DPP10: variants seen among roughly 807,000 people sequenced by gnomAD.
DPP10 encodes the protein dipeptidyl peptidase like 10.
In DPP10, 33 loss-of-function variants were observed where a neutral mutation model predicts 120.9. The observed-to-expected ratio is 0.27, with a 90% CI of 0.21 to 0.37. DPP10 has a LOEUF of 0.37. DPP10 is among the 10% of genes least tolerant of loss of function. The pLI, the probability that DPP10 is intolerant of heterozygous loss-of-function variation, is 1.00. For synonymous variants in DPP10, 337 were observed against 326.1 expected, an observed-to-expected ratio of 1.03 and a Z score of -0.36; for missense variants, 816 against 942.8, an observed-to-expected ratio of 0.87 and a Z score of 1.76.
chr2:114,933,614 G>A (rs1696243172), intron 1 of DPP10, among the ~76,000 whole-genome samples: 1 of 152,180 alleles, frequency 6.6e-6, no homozygotes, highest in Non-Finnish European at 1.5e-5. Context: ...TGCAAGAGTA[G>A]AAGAAAGAGA....
At chr2:115,667,763 T>C (rs1269195282) in intron 5 of DPP10, among the ~76,000 whole-genome samples, 1 of 152,092 alleles carries the variant, frequency 6.6e-6, no homozygotes, top group Non-Finnish European at 1.5e-5. Flanking sequence ...TAAAGTTGGG[T>C]AATATGATGC....
chr2:115,607,617 G>GT (rs1282018813), intron 5 of DPP10, among the ~76,000 whole-genome samples: 2 of 152,146 alleles, frequency 1.3e-5, no homozygotes, highest in African/African-American at 4.8e-5. Flanking sequence ...TTATAACTCA[G>GT]TATCATTAAT....
chr2:115,264,535 T>C (rs2105772425), intron 1 of DPP10, among the ~76,000 whole-genome samples: 1 of 152,260 alleles, frequency 6.6e-6, no homozygotes, highest in East Asian at 1.9e-4. Flanking sequence ...TCAAAGTCAG[T>C]GAAGAGGAGC....
intron 1 of DPP10, among the ~76,000 whole-genome samples, chr2:114,851,131 C>T (rs999783542): frequency 6.6e-6 from 1 of 152,062 alleles, no homozygotes; most frequent in Non-Finnish European, 1.5e-5. Context: ...AGTGAAAGAT[C>T]AAAAGCTAAT....
chr2:115,541,807 A>G (rs559439895), intron 5 of DPP10, among the ~76,000 whole-genome samples: 1 of 152,038 alleles, frequency 6.6e-6, no homozygotes, highest in East Asian at 1.9e-4. Context: ...CTTGCATAAT[A>G]GTGGGGAGAG....
intron 17 of DPP10, among the ~76,000 whole-genome samples, chr2:115,786,205 G>C (rs1296653748): frequency 6.6e-6 from 1 of 152,120 alleles, no homozygotes; most frequent in Non-Finnish European, 1.5e-5. Context: ...CAGGACAAGA[G>C]GAAGTCAATG....
At chr2:115,266,806 T>C (rs2105785963) in intron 1 of DPP10, among the ~76,000 whole-genome samples, 1 of 152,324 alleles carries the variant, frequency 6.6e-6, no homozygotes, top group Admixed American at 6.5e-5. Context: ...ATATTTATAA[T>C]TGCTGTATAG....
rs181567631 is a variant in DPP10 at position 114,923,635 on chromosome 2, C to A, written c.61-385604C>A. Among the ~76,000 whole-genome samples the A allele has an allele frequency of 9.9e-3, 1,498 of 151,764 alleles. 26 individuals carry two copies. Among genetic ancestry groups the A allele is most frequent in the African/African-American group, 0.035 (1,433 of 41,386 alleles). On this transcript the variant is annotated intron_variant, in intron 1 of 25. Coordinates refer to ENST00000410059, the MANE Select transcript of DPP10 (RefSeq NM_020868.6). ...CTAGGACTACAGGCGCCCGCCACCA[C>A]GCCTGGCTAATTTTTTGTATTTTTA...
rs78700078 is a variant in DPP10, at chr2:115,275,299, A to C, written c.61-33940A>C. The stretch of plus-strand genomic sequence containing the variant: ...AATAATAGTCTCTCTCTATCTCTTT[A>C]TCTCTCTCTAGCTAGCCATCCATCT... On this transcript the variant is annotated intron_variant, in intron 1 of 25. Coordinates refer to ENST00000410059, the MANE Select transcript of DPP10 (RefSeq NM_020868.6). Among the ~76,000 whole-genome samples, 608 of 152,266 alleles carry C rather than the reference A, an allele frequency of 4.0e-3. 4 individuals carry two copies. Among genetic ancestry groups the C allele is most frequent in the African/African-American group, 0.014 (594 of 41,550 alleles).
At chr2:115,630,317 G>A (rs2085740434) in intron 5 of DPP10, among the ~76,000 whole-genome samples, 1 of 152,030 alleles carries the variant, frequency 6.6e-6, no homozygotes, top group Non-Finnish European at 1.5e-5. Context: ...TGAGACAGTT[G>A]GGGTTTTCTA....
At position 115,026,160 on chromosome 2, in the gene DPP10, G is replaced by A. The variant is rs140293118; in HGVS notation, c.61-283079G>A. ...TAGTAGTTTCATAGTTTCAGGTTTAGATTTAAAACTTAGATATGATTTTTA... is the reference window on the plus strand; with the variant it reads ...TAGTAGTTTCATAGTTTCAGGTTTAAATTTAAAACTTAGATATGATTTTTA... On this transcript the variant is annotated intron_variant, in intron 1 of 25. Coordinates refer to ENST00000410059, the MANE Select transcript of DPP10 (RefSeq NM_020868.6). Among the ~76,000 whole-genome samples the A allele has an allele frequency of 3.0e-3, 462 of 152,224 alleles. 2 individuals carry two copies. Among genetic ancestry groups the A allele is most frequent in the African/African-American group, 0.01 (436 of 41,542 alleles).
At chr2:114,610,405 AG>A (rs1285506965) in intron 1 of DPP10, among the ~76,000 whole-genome samples, 2 of 152,168 alleles carry the variant, frequency 1.3e-5, no homozygotes, top group Non-Finnish European at 2.9e-5. Flanking sequence ...TCTGATGGGA[AG>A]CCAGGGTTGA....
intron 1 of DPP10, among the ~76,000 whole-genome samples, chr2:114,579,940 A>C (rs1305794262): frequency 3.3e-5 from 5 of 152,184 alleles, no homozygotes; most frequent in African/African-American, 1.2e-4. Context: ...TGCATTCTAA[A>C]ATGTGAATTT....
chr2:115,502,017 A>T (rs1200697913), intron 4 of DPP10, among the ~76,000 whole-genome samples: 1 of 152,106 alleles, frequency 6.6e-6, no homozygotes, highest in Non-Finnish European at 1.5e-5. Context: ...AAATAAATAT[A>T]CTATTGATGA....
intron 5 of DPP10, among the ~76,000 whole-genome samples, chr2:115,532,405 T>G (rs2148923367): frequency 6.6e-6 from 1 of 152,220 alleles, no homozygotes; most frequent in African/African-American, 2.4e-5. Flanking sequence ...AGAAAGTTCT[T>G]ATTTATCTTT....
At chr2:114,562,623 T>G (rs13032511) in intron 1 of DPP10, among the ~76,000 whole-genome samples, 1 of 152,182 alleles carries the variant, frequency 6.6e-6, no homozygotes, top group African/African-American at 2.4e-5. Context: ...TCCATAAAAG[T>G]GACAAATGGT....
intron 1 of DPP10, among the ~76,000 whole-genome samples, chr2:114,984,434 A>G (rs908454823): frequency 2.6e-5 from 4 of 151,782 alleles, no homozygotes; most frequent in African/African-American, 9.7e-5. Context: ...AAAAGAATAA[A>G]AAAGGAAAAA....
intron 3 of DPP10, among the ~76,000 whole-genome samples, chr2:115,346,508 A>G (rs1430336454): frequency 6.6e-6 from 1 of 152,132 alleles, no homozygotes; most frequent in Non-Finnish European, 1.5e-5. Flanking sequence ...GTCTGAGAAT[A>G]TCATTGCAGT....
chr2:115,348,563 C>T (rs975019431), intron 3 of DPP10, among the ~76,000 whole-genome samples: 8 of 151,892 alleles, frequency 5.3e-5, no homozygotes, highest in South Asian at 2.1e-4. Context: ...TATCCTGCAA[C>T]GTTAGCACTC....
Sources: allele counts gnomAD v4.1 joint callset (sites outside exome capture counted in the v4.1 genomes callset), GRCh38; gene constraint gnomAD v4.1.1; transcripts MANE v1.5; gene names NCBI Gene and HGNC (gene_info 2026-07-23, HGNC 2026-07-21).